MAP4K3: variants seen among roughly 807,000 people sequenced by gnomAD.
The protein encoded by MAP4K3 is MAPK/ERK kinase kinase kinase 3.
A neutral mutation model predicts 143.5 loss-of-function variants in MAP4K3; 94 were observed. That is an observed-to-expected ratio of 0.65 (90% confidence interval 0.55 to 0.78). MAP4K3 has a LOEUF of 0.78. MAP4K3 is among the 30% of genes least tolerant of loss of function. MAP4K3 has a pLI of 0.00. For synonymous variants in MAP4K3, 416 were observed against 347.2 expected, an observed-to-expected ratio of 1.20 and a Z score of -2.20; for missense variants, 1,077 against 1,068.1, an observed-to-expected ratio of 1.01 and a Z score of -0.12.
chr2:39,379,104 G>A (rs1343068261), intron 1 of MAP4K3, among the ~76,000 whole-genome samples: 2 of 151,902 alleles, frequency 1.3e-5, no homozygotes, highest in Non-Finnish European at 2.9e-5. Flanking sequence ...TTTATTCCTA[G>A]TTGCAACACT....
Position 39,325,600 on chromosome 2 carries a change from C to A in MAP4K3, c.836G>T (p.Arg279Leu). ...QHPFVTQHLT[R>L]SLAIELLDKV... Reference sequence around the variant, plus strand: ...ATCCAACAGCTCGATTGCCAAAGACCGTGTCAAATGTTGTGTTACAAAAGG... The same window carrying A: ...ATCCAACAGCTCGATTGCCAAAGACAGTGTCAAATGTTGTGTTACAAAAGG... Residue 279 changes from arginine to leucine, a missense_variant, in exon 12 of 34, where the codon CGG becomes CTG. Transcript: ENST00000263881. 1 of 1,612,880 alleles carries A rather than the reference C, an allele frequency of 6.2e-7. No homozygotes were observed.
At chr2:39,396,677 G>T (rs1026003163) in intron 1 of MAP4K3, among the ~76,000 whole-genome samples, 5 of 152,064 alleles carry the variant, frequency 3.3e-5, no homozygotes, top group African/African-American at 1.2e-4. Flanking sequence ...GTTTCACCCT[G>T]TTAATCAGGA....
chr2:39,325,537 A>C lies in MAP4K3; in HGVS notation c.899T>G (p.Phe300Cys), dbSNP rs1268580645. 6.2e-7 allele frequency: 1 copy of C among 1,611,970 alleles called. No homozygotes were observed. The highest frequency in any genetic ancestry group is 8.5e-7 in the Non-Finnish European group (1 of 1,179,140). The change falls in exon 12 of 34, where the codon TTC (phenylalanine) becomes TGC (cysteine). Residue 300 changes from phenylalanine (F) to cysteine (C), a missense_variant. By Grantham distance (205) the Phe-to-Cys change is radical. Transcript: ENST00000263881. Reference sequence around the variant, plus strand: ...TCCTACCTCAGGATCATCATCATCGAAATCATGGTAAGTGGAATGATCTGG... The same window carrying C: ...TCCTACCTCAGGATCATCATCATCGCAATCATGGTAAGTGGAATGATCTGG... ...NNPDHSTYHD[F>C]DDDDPEPLVA...
intron 2 of MAP4K3, among the ~76,000 whole-genome samples, chr2:39,367,765 C>G (rs1230413726): frequency 6.6e-6 from 1 of 152,114 alleles, no homozygotes; most frequent in Admixed American, 6.6e-5. Context: ...TGTTTCCCAA[C>G]TCTGTTTTCC....
chr2:39,383,735 A>G (rs1009605248), intron 1 of MAP4K3, among the ~76,000 whole-genome samples: 3 of 152,130 alleles, frequency 2.0e-5, no homozygotes, highest in African/African-American at 7.2e-5. Flanking sequence ...CCCTGAGCTG[A>G]CATGAAAATA....
intron 1 of MAP4K3, among the ~76,000 whole-genome samples, chr2:39,434,072 G>A (rs1665378307): frequency 6.6e-6 from 1 of 152,160 alleles, no homozygotes; most frequent in South Asian, 2.1e-4. Flanking sequence ...TTATTACATT[G>A]AGTAGGAAAA....
chr2:39,317,495 A>T (rs1683153536), intron 12 of MAP4K3, among the ~76,000 whole-genome samples: 1 of 151,988 alleles, frequency 6.6e-6, no homozygotes. Flanking sequence ...ATAGGAGAAA[A>T]TTTTTGCCAA....
At position 39,290,914 on chromosome 2, in the gene MAP4K3, TA is replaced by T. The variant is rs60187347; in HGVS notation, c.1272-581del. ...TAACATGGTGAAACACCATCTCTAC[TA>T]AAAATACAAAAAAATTAGCCAGGTG... is the stretch of plus-strand genomic sequence containing the variant. On this transcript the variant is annotated intron_variant, in intron 18 of 33. Transcript: ENST00000263881. 1.7e-3 allele frequency among the ~76,000 whole-genome samples: 251 copies of T among 151,946 alleles called. 5 individuals carry two copies. The East Asian group carries it at 0.023, about 14-fold the overall frequency.
At chr2:39,380,875 T>C (rs943271341) in intron 1 of MAP4K3, among the ~76,000 whole-genome samples, 13 of 152,200 alleles carry the variant, frequency 8.5e-5, no homozygotes, top group African/African-American at 1.2e-4. Context: ...GATTCAGTTG[T>C]GTTTAGTATA....
At chr2:39,365,910 T>C (rs143346396) in intron 2 of MAP4K3, among the ~76,000 whole-genome samples, 1 of 152,372 alleles carries the variant, frequency 6.6e-6, no homozygotes, top group Non-Finnish European at 1.5e-5. Context: ...CTACGTTACA[T>C]GTAAAAGTGT....
At chr2:39,432,280 G>A (rs924603225) in intron 1 of MAP4K3, among the ~76,000 whole-genome samples, 1 of 152,196 alleles carries the variant, frequency 6.6e-6, no homozygotes, top group Non-Finnish European at 1.5e-5. Context: ...ATCAAAGGCT[G>A]GAGGTAAGTA....
At chr2:39,301,707 G>A (rs543321119) in intron 15 of MAP4K3, among the ~76,000 whole-genome samples, 13 of 151,878 alleles carry the variant, frequency 8.6e-5, no homozygotes, top group Non-Finnish European at 1.5e-4. Context: ...GATATAGGCC[G>A]GGCGCGGTAA....
Position 39,272,292 on chromosome 2 carries a change from A to C in MAP4K3, c.1964T>G (p.Ile655Arg). The C allele has an allele frequency of 6.2e-7, 1 of 1,609,954 alleles. No individual in the cohort carries two copies. The highest frequency in any genetic ancestry group is 1.1e-5 in the South Asian group (1 of 90,992). ...AIPAHKLPDRILPRKFSVSAK... is the reference protein window; with the variant it reads ...AIPAHKLPDRRLPRKFSVSAK... ...AAGGATGTACCCTTACCTTGGCAGT[A>C]TTCTGTCAGGGAGTTTGTGTGCTGG... Residue 655 changes from isoleucine to arginine, a missense_variant, in exon 26 of 34, where the codon ATA (isoleucine) becomes AGA (arginine). Ile to Arg is a moderately conservative substitution (Grantham distance 97). Coordinates refer to ENST00000263881, the MANE Select transcript of MAP4K3 (RefSeq NM_003618.4).
intron 1 of MAP4K3, among the ~76,000 whole-genome samples, chr2:39,433,236 C>G (rs4670273): frequency 0.78 from 118,915 of 152,108 alleles, 51,775 homozygotes; most frequent in Non-Finnish European, 0.95. Flanking sequence ...TGTATCCAGT[C>G]TTGGATACAC....
intron 1 of MAP4K3, among the ~76,000 whole-genome samples, chr2:39,404,617 CTTTTTTTT>C (rs1174319224): frequency 1.0e-4 from 9 of 86,144 alleles, no homozygotes; most frequent in Non-Finnish European, 1.8e-4. Context: ...TTCTTTCTTT[CTTTTTTTT>C]TTTTTTTTTT....
At chr2:39,366,003 G>A (rs1558668656) in intron 2 of MAP4K3, among the ~76,000 whole-genome samples, 1 of 152,132 alleles carries the variant, frequency 6.6e-6, no homozygotes, top group Non-Finnish European at 1.5e-5. Context: ...ATTTCATATG[G>A]TAGAAACAAT....
rs1683071383 is a variant in MAP4K3, at chr2:39,315,185, ACTTTAC to A, written c.997+119_997+124del. Reference sequence around the variant, plus strand: ...ATGAAATTCTTACTGCCCTAATTAAACTTTACCTTTAACAGTGTTTAGTAAGAAAAA... The same window carrying A: ...ATGAAATTCTTACTGCCCTAATTAAACTTTAACAGTGTTTAGTAAGAAAAA... On this transcript the variant is annotated intron_variant, in intron 13 of 33. Coordinates refer to ENST00000263881, the MANE Select transcript of MAP4K3 (RefSeq NM_003618.4). 6.7e-6 allele frequency: 4 copies of A among 597,398 alleles called. No homozygotes were observed. The Admixed American group carries it at 1.4e-4, about 21-fold the overall frequency. The allele number at this position is 597,398 out of a possible 1,614,324, so 37.0% of individuals were successfully genotyped here. A position where few individuals can be genotyped will look rare whatever the true frequency, so the allele number is the denominator to read the frequency against.
intron 3 of MAP4K3, among the ~76,000 whole-genome samples, chr2:39,355,688 A>C (rs1665592324): frequency 6.6e-6 from 1 of 152,230 alleles, no homozygotes; most frequent in Non-Finnish European, 1.5e-5. Flanking sequence ...TCGCCTATGC[A>C]ATATAACCTA....
At chr2:39,265,453 G>A (rs1680728035) in intron 27 of MAP4K3, 147 bp from the exon 28 acceptor site, 1 of 677,984 alleles carries the variant, frequency 1.5e-6, no homozygotes, top group Non-Finnish European at 2.7e-6. Context: ...CTTAATTAGA[G>A]GGCTGGGTGA....
Sources: allele counts gnomAD v4.1 joint callset (sites outside exome capture counted in the v4.1 genomes callset), GRCh38; gene constraint gnomAD v4.1.1; transcripts MANE v1.5; gene names NCBI Gene and HGNC (gene_info 2026-07-23, HGNC 2026-07-21).